DIAPH2: variants seen among roughly 807,000 people sequenced by gnomAD.
DIAPH2 encodes the protein protein diaphanous homolog 2.
DIAPH2 carries 35 observed loss-of-function variants against 92.7 expected under a neutral mutation model. The observed-to-expected ratio is 0.38, with a 90% CI of 0.29 to 0.50. The LOEUF (loss-of-function observed/expected upper bound fraction) is 0.50. Among genes scored for constraint, DIAPH2 ranks in the 20% least tolerant of loss-of-function variants. The probability of loss-of-function intolerance (pLI) is 0.94; values close to 1 mark genes in which losing one functional copy is unlikely to be tolerated. For missense variants in DIAPH2, 701 were observed against 819.5 expected (o/e 0.86, Z 1.77); for synonymous variants, 301 against 280.4 (o/e 1.07, Z -0.73).
At chrX:97,568,315 C>T (rs1007491684) in intron 26 of DIAPH2, among the ~76,000 whole-genome samples, 18 of 109,807 alleles carry the variant, frequency 1.6e-4, no homozygotes, top group Non-Finnish European at 3.2e-4. Flanking sequence ...GGCATGCTGA[C>T]CAATAACACT....
In DIAPH2 at chrX:97,222,713, G is replaced by A. The variant is rs932179555; in HGVS notation, c.2720-25002G>A. Among the ~76,000 whole-genome samples, 23 of 112,088 alleles carry A rather than the reference G, an allele frequency of 2.1e-4. No individual in the cohort carries two copies. In the Admixed American group the frequency reaches 2.1e-3, roughly 10 times the overall value. On this transcript the variant is annotated intron_variant, in intron 22 of 26. Coordinates refer to ENST00000324765, the MANE Select transcript of DIAPH2 (RefSeq NM_006729.5). ...GGAAGGTCTGAAAGTCATATAATCC[G>A]TCTTTATTCATTTTCATGCTTAAAC...
rs1470726579 is a variant in DIAPH2 at position 97,300,948 on chromosome X, AAAAAAAAAAAAAAAAAAG to A, written c.2845-47165_2845-47148del. On this transcript the variant is annotated intron_variant, in intron 23 of 26. Transcript: ENST00000324765. Reference sequence around the variant, plus strand: ...CTCCGTCTTAAAAAAAAAAAAAAAAAAAAAAAAAAAAAAAAAAGAAGAAGAAGAATGTCTCCATAGTTA... The same window carrying A: ...CTCCGTCTTAAAAAAAAAAAAAAAAAAAGAAGAAGAATGTCTCCATAGTTA... Among the ~76,000 whole-genome samples the A allele has an allele frequency of 1.8e-4, 12 of 65,812 alleles. 1 individual carries two copies. The highest frequency in any genetic ancestry group is 9.4e-4 in the South Asian group (1 of 1,067). The allele number at this position is 65,812 out of a possible 115,157, so 57.1% of individuals were successfully genotyped here.
At position 97,589,966 on chromosome X, in the gene DIAPH2, A is replaced by G. The variant is rs776794155; in HGVS notation, c.3242-9287A>G. Among the ~76,000 whole-genome samples the G allele has an allele frequency of 2.7e-5, 3 of 112,457 alleles. No homozygotes were observed. In the South Asian group the frequency reaches 1.1e-3, roughly 42 times the overall value. On this transcript the variant is annotated intron_variant, in intron 26 of 26. Coordinates refer to ENST00000324765, the MANE Select transcript of DIAPH2 (RefSeq NM_006729.5). The stretch of plus-strand genomic sequence containing the variant: ...ACCTTAAGGGACAATTTGTATTTTA[A>G]AACAATGGCACCGACAGCTGTTAAA...
At chrX:96,870,536 A>C (rs1192102966) in intron 4 of DIAPH2, among the ~76,000 whole-genome samples, 1 of 109,317 alleles carries the variant, frequency 9.1e-6, no homozygotes, top group Non-Finnish European at 1.9e-5. Context: ...TCGGCCTCCC[A>C]AAGTGCTGGG....
At chrX:97,184,306 G>A (rs748808181) in intron 22 of DIAPH2, among the ~76,000 whole-genome samples, 3 of 111,914 alleles carry the variant, frequency 2.7e-5, no homozygotes, top group South Asian at 7.4e-4. Flanking sequence ...GGTTATGTTC[G>A]TCACTTATCT....
At chrX:96,742,283 C>T (rs866876663) in intron 3 of DIAPH2, among the ~76,000 whole-genome samples, 13 of 111,886 alleles carry the variant, frequency 1.2e-4, no homozygotes, top group African/African-American at 4.2e-4. Context: ...TCTTACCCAC[C>T]TCCACTGATA....
intron 4 of DIAPH2, among the ~76,000 whole-genome samples, chrX:96,805,647 C>T (rs900219096): frequency 1.8e-5 from 2 of 111,041 alleles, no homozygotes; most frequent in African/African-American, 6.5e-5. Flanking sequence ...GGGTACCTAC[C>T]ATGCTGCCAC....
intron 16 of DIAPH2, among the ~76,000 whole-genome samples, 159 bp downstream of exon 16, chrX:96,958,307 T>G (rs1158612520): frequency 8.9e-6 from 1 of 111,921 alleles, no homozygotes; most frequent in Non-Finnish European, 1.9e-5. Context: ...TTGTAGATAA[T>G]TGGAAACTCT....
At chrX:96,939,482 G>GTGTGTGTATATATATATA (rs2065679686) in intron 12 of DIAPH2, 100 bp downstream of exon 12, 1 of 115,563 alleles carries the variant, frequency 8.7e-6, no homozygotes, top group South Asian at 2.6e-4. Flanking sequence ...GCATATGTGT[G>GTGTGTGTATATATATATA]TGTATGTATA....
chrX:97,019,190 C>CTG (rs1314411013), intron 17 of DIAPH2, among the ~76,000 whole-genome samples: 1 of 111,759 alleles, frequency 8.9e-6, no homozygotes, highest in Admixed American at 9.5e-5. Context: ...CAGGTTTTTC[C>CTG]TGTGTGTGTG....
At chrX:96,900,205 A>G (rs1209806298) in intron 5 of DIAPH2, among the ~76,000 whole-genome samples, 1 of 111,624 alleles carries the variant, frequency 9.0e-6, no homozygotes, top group Non-Finnish European at 1.9e-5. Flanking sequence ...GGTTAAGTAT[A>G]TTCCTGAGTG....
At chrX:97,235,464 C>G in intron 22 of DIAPH2, among the ~76,000 whole-genome samples, 1 of 109,534 alleles carries the variant, frequency 9.1e-6, no homozygotes, top group Non-Finnish European at 1.9e-5. Flanking sequence ...ATTAGCCAGG[C>G]GTGGTGGCAC....
At chrX:96,814,599 A>G (rs1379021317) in intron 4 of DIAPH2, among the ~76,000 whole-genome samples, 2 of 111,822 alleles carry the variant, frequency 1.8e-5, no homozygotes, top group African/African-American at 3.3e-5. Context: ...CTTGCAGGAG[A>G]AGAAGCGCTC....
At chrX:97,322,978 T>G (rs2147656549) in intron 23 of DIAPH2, among the ~76,000 whole-genome samples, 1 of 101,467 alleles carries the variant, frequency 9.9e-6, no homozygotes, top group East Asian at 3.3e-4. Context: ...CAATCTCGGC[T>G]CACTTCAACC....
intron 19 of DIAPH2, chrX:97,081,527 A>T (rs1410895734): frequency 6.2e-5 from 7 of 112,579 alleles, no homozygotes; most frequent in African/African-American, 2.3e-4. Context: ...AATATAAAAA[A>T]TTGAGCCTAT....
chrX:97,194,103 T>A (rs1243563442), intron 22 of DIAPH2, among the ~76,000 whole-genome samples: 1 of 110,746 alleles, frequency 9.0e-6, no homozygotes, highest in East Asian at 2.8e-4. Flanking sequence ...AGCTAATAAG[T>A]CGCAGAGTCA....
chrX:97,519,711 A>AT (rs1363383036), intron 26 of DIAPH2, among the ~76,000 whole-genome samples: 1 of 110,935 alleles, frequency 9.0e-6, no homozygotes, highest in East Asian at 2.8e-4. Context: ...TTAAACTGTT[A>AT]TTTTTTATTT....
chrX:97,540,991 T>C (rs1475448753), intron 26 of DIAPH2, among the ~76,000 whole-genome samples: 3 of 111,659 alleles, frequency 2.7e-5, no homozygotes, highest in Non-Finnish European at 5.6e-5. Context: ...CATGTGTCTC[T>C]CTTGAGCTCT....
intron 4 of DIAPH2, among the ~76,000 whole-genome samples, chrX:96,788,194 CCTT>C (rs1294755497): frequency 9.0e-6 from 1 of 111,691 alleles, no homozygotes; most frequent in Admixed American, 9.5e-5. Context: ...ATTCTTAGCT[CCTT>C]CTCACACATT....
Sources: allele counts gnomAD v4.1 joint callset (sites outside exome capture counted in the v4.1 genomes callset), GRCh38; gene constraint gnomAD v4.1.1; transcripts MANE v1.5; gene names NCBI Gene and HGNC (gene_info 2026-07-23, HGNC 2026-07-21).